The following APOB variants were observed in gnomAD, a reference collection of about 807,000 sequenced individuals.
APOB encodes the protein apolipoprotein B.
In APOB, 153 loss-of-function variants were observed where a neutral mutation model predicts 314.1. The observed-to-expected ratio is 0.49, with a 90% confidence interval of 0.43 to 0.56. The LOEUF is 0.56. Ranked by LOEUF, APOB falls within the 20% of genes least tolerant of loss-of-function variation. The probability of loss-of-function intolerance (pLI) is 0.00; values close to 1 mark genes in which losing one functional copy is unlikely to be tolerated. For synonymous variants in APOB, 2,087 were observed against 2,036.4 expected, an observed-to-expected ratio of 1.02 and a Z score of -0.67; for missense variants, 5,430 against 5,350.7, an observed-to-expected ratio of 1.01 and a Z score of -0.46.
chr2:21,043,320 A>G (rs1270595604), intron 2 of APOB, among the ~76,000 whole-genome samples, 193 bp downstream of exon 2: 2 of 151,838 alleles, frequency 1.3e-5, no homozygotes, highest in Non-Finnish European at 2.9e-5. Flanking sequence ...GGGACAGAAC[A>G]GAAGGCCAGG....
In APOB at chr2:21,032,376, C is replaced by T. The variant is rs562608061; in HGVS notation, c.1330G>A (p.Ala444Thr). 7 of 1,613,754 alleles carry T rather than the reference C, an allele frequency of 4.3e-6. No individual in the cohort carries two copies. Among genetic ancestry groups the T allele is most frequent in the South Asian group, 1.1e-5 (1 of 91,080 alleles). The change falls in exon 10 of 29, where the codon GCG becomes ACG. Residue 444 changes from alanine (A) to threonine (T), a missense_variant. Ala to Thr is a moderately conservative substitution (Grantham distance 58). Around this residue, in one of 3 missense-constraint regions of APOB, gnomAD observed 2,085 missense variants for 2,079.7 expected, o/e 1.00. Coordinates refer to ENST00000233242, the MANE Select transcript of APOB (RefSeq NM_000384.3). Reference protein sequence around the residue: ...RDQRSRATLYALSHAVNNYHK... With the variant: ...RDQRSRATLYTLSHAVNNYHK... ...CACTTGTTGACCGCGTGGCTCAGCG[C>T]ATACAAGGTGGCTCGGCTGCGCTGA...
rs530511188 is a variant in APOB, at chr2:21,015,098, C to T, written c.3671G>A (p.Arg1224Gln). The change falls in exon 23 of 29, where the codon CGG (arginine) becomes CAG (glutamine). Residue 1224 changes from arginine (R) to glutamine (Q), a missense_variant. By Grantham distance (43) the Arg-to-Gln change is conservative. Coordinates refer to ENST00000233242, the MANE Select transcript of APOB (RefSeq NM_000384.3). ...AACTATTAATTTGGAACCCACGTGCCGGAAAGTCATGTCTGTTTGAGGGAC... is the reference window on the plus strand; with the variant it reads ...AACTATTAATTTGGAACCCACGTGCTGGAAAGTCATGTCTGTTTGAGGGAC... ...HRVPQTDMTF[R>Q]HVGSKLIVAM... The T allele has an allele frequency of 2.3e-5, 37 of 1,613,966 alleles. No homozygotes were observed. Among genetic ancestry groups the T allele is most frequent in the South Asian group, 1.2e-4 (11 of 91,062 alleles).
chr2:21,043,915 GCGCCAGC>G lies in APOB; in HGVS notation c.24_30del (p.Leu9CysfsTer82). 1 of 1,411,630 alleles carries G rather than the reference GCGCCAGC, an allele frequency of 7.1e-7. No homozygotes were observed. The highest frequency in any genetic ancestry group is 9.2e-7 in the Non-Finnish European group (1 of 1,085,518). 87.4% of individuals were successfully genotyped at this position (1,411,630 alleles called of 1,614,324 possible). ...AGCAGCAGCGCAGGCAGCGCCAGCA[GCGCCAGC>G]AGCGCGGGCCTCGGCGGGTCCATCG... On this transcript the variant is annotated frameshift_variant, in exon 1 of 29. Coordinates refer to ENST00000233242, the MANE Select transcript of APOB (RefSeq NM_000384.3). LOFTEE classifies it high-confidence loss of function.
rs765904115 is a variant in APOB, at chr2:21,033,415, G to A, written c.1008C>T (p.Thr336=). 1.7e-5 allele frequency: 28 copies of A among 1,614,028 alleles called. No individual in the cohort carries two copies. The highest frequency in any genetic ancestry group is 2.4e-5 in the Non-Finnish European group (28 of 1,180,018). ...LKTLQELKKL[T]ISEQNIQRAN... ...CTCTCTGGATATTTTGCTCAGAGAT[G>A]GTTAGTTTTTTCAGTTCCTGGAGAG... Residue 336 remains threonine, a synonymous_variant, in exon 9 of 29, where the codon ACC becomes ACT. Coordinates refer to ENST00000233242, the MANE Select transcript of APOB (RefSeq NM_000384.3).
intron 4 of APOB, among the ~76,000 whole-genome samples, chr2:21,040,711 A>G (rs1265286632): frequency 3.9e-5 from 6 of 152,226 alleles, no homozygotes; most frequent in Admixed American, 3.9e-4. Flanking sequence ...AGTTTAAAGC[A>G]TGAGATTTTT....
In APOB at chr2:21,002,087, G is replaced by A. The variant is rs773326388; in HGVS notation, c.13335C>T (p.His4445=). 2 of 1,613,918 alleles carry A rather than the reference G, an allele frequency of 1.2e-6. No individual in the cohort carries two copies. The highest frequency in any genetic ancestry group is 1.7e-6 in the Non-Finnish European group (2 of 1,179,982). ...QLSSQVEQFL[H]RNIQEYLSIL... is the part of the protein sequence containing the mutation. ...TGCTAAGATATTCCTGAATATTTCT[G>A]TGCAGAAATTGCTCAACTTGACTTG... Residue 4445 remains histidine (H), a synonymous_variant, in exon 29 of 29, where the codon CAC becomes CAT. Coordinates refer to ENST00000233242, the MANE Select transcript of APOB (RefSeq NM_000384.3).
Position 21,015,362 on chromosome 2 carries a change from A to G in APOB, c.3508+8T>C, listed in dbSNP as rs1482977065. ...TGGAAGTGCTCACACAGGGGAAGAG[A>G]CACATACCATAATGCCATGCCACCC... On this transcript the variant is annotated splice_region_variant and intron_variant, in intron 22 of 28. Transcript: ENST00000233242. 6.2e-7 allele frequency: 1 copy of G among 1,614,178 alleles called. No individual in the cohort carries two copies. Among genetic ancestry groups the G allele is most frequent in the Admixed American group, 1.7e-5 (1 of 60,028 alleles).
intron 7 of APOB, among the ~76,000 whole-genome samples, chr2:21,035,322 G>C (rs911978671): frequency 6.6e-6 from 1 of 152,202 alleles, no homozygotes; most frequent in Non-Finnish European, 1.5e-5. Context: ...GTACCCTGCA[G>C]TGATCCTCAG....
chr2:21,018,089 C>G (rs981703780), intron 20 of APOB, among the ~76,000 whole-genome samples: 4 of 152,078 alleles, frequency 2.6e-5, no homozygotes, highest in Non-Finnish European at 4.4e-5. Context: ...TTAGGTTTGT[C>G]TTCATTCCCC....
At position 21,007,262 on chromosome 2, in the gene APOB, T is replaced by C. The variant is rs763454017; in HGVS notation, c.9606A>G (p.Lys3202=). 10 of 1,613,500 alleles carry C rather than the reference T, an allele frequency of 6.2e-6. No homozygotes were observed. In the African/African-American group the frequency reaches 9.3e-5, roughly 15 times the overall value. The change falls in exon 26 of 29, where the codon AAA becomes AAG. Residue 3202 remains lysine (K), a synonymous_variant. Transcript: ENST00000233242. The part of the protein sequence containing the change: ...VLCEFISQSI[K]SFDRHFEKNR... ...TTTTTTCAAAATGCCTGTCAAAGGA[T>C]TTGATGCTCTGACTGATAAACTCAC...
chr2:21,002,299 G>GT lies in APOB; in HGVS notation c.13122dup (p.Gln4375ThrfsTer12). On this transcript the variant is annotated frameshift_variant, in exon 29 of 29. Transcript: ENST00000233242. LOFTEE classifies it low-confidence loss of function (END_TRUNC). ...GCCATAATGTATTGATGGATCTGCT[G>GT]TAACTCTTGAGAAGCTTCCTGAAGC... 1 of 1,613,818 alleles carries GT rather than the reference G, an allele frequency of 6.2e-7. No homozygotes were observed. The highest frequency in any genetic ancestry group is 2.2e-5 in the East Asian group (1 of 44,864).
rs986986719 is a variant in APOB at position 21,011,030 on chromosome 2, G to A, written c.5838C>T (p.Tyr1946=). The A allele has an allele frequency of 6.2e-7, 1 of 1,614,158 alleles. No individual in the cohort carries two copies. The highest frequency in any genetic ancestry group is 1.3e-5 in the African/African-American group (1 of 75,032). The change falls in exon 26 of 29, where the codon TAC becomes TAT. Residue 1946 remains tyrosine, a synonymous_variant. Coordinates refer to ENST00000233242, the MANE Select transcript of APOB (RefSeq NM_000384.3). ...EPLAFTFSHD[Y]KGSTSHHLVS... ...CGAGATGATGACTTGTGGAGCCTTT[G>A]TAATCATGAGAGAAAGTAAATGCCA...
chr2:21,030,502 G>A (rs1663846396), intron 10 of APOB, among the ~76,000 whole-genome samples: 1 of 152,108 alleles, frequency 6.6e-6, no homozygotes, highest in African/African-American at 2.4e-5. Context: ...AAAAATGCAA[G>A]AAGAAAACCT....
At position 21,013,743 on chromosome 2, in the gene APOB, C is replaced by A. The variant is rs778020831; in HGVS notation, c.3843-210G>T. Among the ~76,000 whole-genome samples the A allele has an allele frequency of 2.0e-5, 3 of 152,196 alleles. No individual in the cohort carries two copies. In the South Asian group the frequency reaches 6.2e-4, roughly 32 times the overall value. On this transcript the variant is annotated intron_variant, in intron 24 of 28. Coordinates refer to ENST00000233242, the MANE Select transcript of APOB (RefSeq NM_000384.3). ...TGACAAAGCTCTTCTAAGGGCCACTCCTTATCATTACCATCCCACCTAAGT... is the reference window on the plus strand; with the variant it reads ...TGACAAAGCTCTTCTAAGGGCCACTACTTATCATTACCATCCCACCTAAGT...
At chr2:21,023,133 G>A in intron 17 of APOB, 91 bp from the exon 18 acceptor site, 1 of 1,133,502 alleles carries the variant, frequency 8.8e-7, no homozygotes, top group East Asian at 2.3e-5. Flanking sequence ...TCCGGGCAAA[G>A]ATTTCCTGGA....
chr2:21,019,434 G>A (rs1663545543), intron 19 of APOB, among the ~76,000 whole-genome samples: 1 of 152,140 alleles, frequency 6.6e-6, no homozygotes, highest in South Asian at 2.1e-4. Flanking sequence ...CAAGCACATT[G>A]GTGGGCTCCA....
At position 21,023,509 on chromosome 2, in the gene APOB, G is replaced by A; in HGVS notation, c.2604+16C>T. On this transcript the variant is annotated intron_variant, in intron 17 of 28. Transcript: ENST00000233242. ...AAGTAATAACCTAAGAAATCAAAAG[G>A]CAAACAGAATCTTACGTTGGCTACT... 2 of 1,613,920 alleles carry A rather than the reference G, an allele frequency of 1.2e-6. No individual in the cohort carries two copies. The highest frequency in any genetic ancestry group is 1.1e-5 in the South Asian group (1 of 91,072).
intron 25 of APOB, 121 bp from the exon 26 acceptor site, chr2:21,012,772 C>T (rs1397202915): frequency 4.8e-6 from 5 of 1,050,042 alleles, no homozygotes; most frequent in Admixed American, 2.2e-5. Context: ...CAATAGACTC[C>T]TCCATCTGTA....
intron 16 of APOB, 36 bp from the exon 17 acceptor site, chr2:21,023,728 G>A (rs996971648): frequency 1.1e-5 from 17 of 1,556,886 alleles, no homozygotes; most frequent in Non-Finnish European, 1.4e-5. Flanking sequence ...ATAAAAGTAA[G>A]TCTTTTTAAA....
Sources: allele counts gnomAD v4.1 joint callset (sites outside exome capture counted in the v4.1 genomes callset), GRCh38; gene constraint gnomAD v4.1.1; regional missense constraint gnomAD v4.1.1; transcripts MANE v1.5; gene names NCBI Gene and HGNC (gene_info 2026-07-23, HGNC 2026-07-21).